KIAA0825: variants seen among roughly 807,000 people sequenced by gnomAD.
The protein encoded by KIAA0825 is KIAA0825.
A neutral mutation model predicts 147.6 loss-of-function variants in KIAA0825; 119 were observed. The ratio of observed to expected loss-of-function variants is 0.81; its 90% confidence interval spans 0.69 to 0.94. The LOEUF is 0.94. Ranked by LOEUF, KIAA0825 falls within the 40% of genes least tolerant of loss-of-function variation. The pLI is 0.00. For synonymous variants in KIAA0825, 470 were observed against 518.1 expected (o/e 0.91, Z 1.26); for missense variants, 1,381 against 1,472.7 (o/e 0.94, Z 1.02).
chr5:94,210,377 G>A (rs1772597190), intron 20 of KIAA0825, among the ~76,000 whole-genome samples: 1 of 152,162 alleles, frequency 6.6e-6, no homozygotes, highest in South Asian at 2.1e-4. Context: ...ACATAATGAT[G>A]CTGCATACCT....
chr5:94,532,698 T>C (rs922500136), intron 3 of KIAA0825, among the ~76,000 whole-genome samples: 1 of 129,448 alleles, frequency 7.7e-6, no homozygotes, highest in South Asian at 2.3e-4. Context: ...CTGGGCTAAT[T>C]TTTTTTTTTT....
intron 2 of KIAA0825, among the ~76,000 whole-genome samples, chr5:94,571,916 T>A (rs977470878): frequency 7.2e-5 from 11 of 152,128 alleles, no homozygotes; most frequent in African/African-American, 2.4e-4. Flanking sequence ...TACCATATGA[T>A]ACATGATAAA....
rs1766502943 is a variant in KIAA0825 at position 94,151,563 on chromosome 5, C to T, written c.*2444G>A. 6.6e-6 allele frequency among the ~76,000 whole-genome samples: 1 copy of T among 150,922 alleles called. No individual in the cohort carries two copies. The highest frequency in any genetic ancestry group is 1.5e-5 in the Non-Finnish European group (1 of 67,906). On this transcript the variant is annotated 3_prime_UTR_variant, in exon 21 of 21. Coordinates refer to ENST00000682413, the MANE Select transcript of KIAA0825 (RefSeq NM_001145678.3). ...CTATAATAATTTCACTGAACAAGCA[C>T]AGAATAGAATTCAACTGCAAGGCCT...
At chr5:94,294,897 T>C (rs776009017) in intron 20 of KIAA0825, among the ~76,000 whole-genome samples, 2 of 152,156 alleles carry the variant, frequency 1.3e-5, no homozygotes, top group East Asian at 3.9e-4. Context: ...CAATTATGTG[T>C]CTTGGGGTTG....
chr5:94,584,815 A>T (rs1285630117), intron 1 of KIAA0825, among the ~76,000 whole-genome samples: 3 of 152,212 alleles, frequency 2.0e-5, no homozygotes, highest in Admixed American at 1.3e-4. Context: ...CCACAAAGGG[A>T]AGCCCATGAG....
intron 20 of KIAA0825, among the ~76,000 whole-genome samples, chr5:94,262,743 T>A (rs926757693): frequency 5.3e-5 from 8 of 152,162 alleles, no homozygotes; most frequent in Non-Finnish European, 1.2e-4. Flanking sequence ...TGTCCCCTTA[T>A]TAATTTAAGG....
chr5:94,610,789 A>AG lies in KIAA0825; in HGVS notation c.-153+7710_-153+7711insC, dbSNP rs1318549620. 7.1e-3 allele frequency among the ~76,000 whole-genome samples: 555 copies of AG among 78,572 alleles called. 14 individuals are homozygous for AG. The highest frequency in any genetic ancestry group is 0.023 in the African/African-American group (364 of 15,570). The allele number at this position is 78,572 out of a possible 152,430, so 51.5% of individuals were successfully genotyped here. A position where few individuals can be genotyped will look rare whatever the true frequency, so the allele number is the denominator to read the frequency against. ...CAAAAAAAAAAAAAAAAAAAAAAGT[A>AG]TATATATATATATATATAAATAAAA... is the stretch of plus-strand genomic sequence containing the variant. On this transcript the variant is annotated intron_variant, in intron 1 of 20. Coordinates refer to ENST00000682413, the MANE Select transcript of KIAA0825 (RefSeq NM_001145678.3).
chr5:94,299,907 T>A (rs1199705458), intron 20 of KIAA0825, among the ~76,000 whole-genome samples: 1 of 145,120 alleles, frequency 6.9e-6, no homozygotes, highest in East Asian at 2.0e-4. Context: ...AATAAAAACA[T>A]CTTTCTTAGA....
chr5:94,307,998 A>G (rs1778857570), intron 20 of KIAA0825, among the ~76,000 whole-genome samples: 1 of 151,888 alleles, frequency 6.6e-6, no homozygotes, highest in East Asian at 1.9e-4. Flanking sequence ...CTGGTAGACC[A>G]AAAGATCTAC....
chr5:94,587,940 G>C (rs1783620952), intron 1 of KIAA0825, among the ~76,000 whole-genome samples: 1 of 152,124 alleles, frequency 6.6e-6, no homozygotes, highest in African/African-American at 2.4e-5. Context: ...ACAAGCAATG[G>C]GGAAAGGATT....
intron 20 of KIAA0825, among the ~76,000 whole-genome samples, chr5:94,289,603 C>T: frequency 6.7e-6 from 1 of 150,246 alleles, no homozygotes; most frequent in Admixed American, 6.6e-5. Flanking sequence ...TAAGAACAAC[C>T]ATTGTTCTAA....
intron 20 of KIAA0825, among the ~76,000 whole-genome samples, chr5:94,335,720 T>TAGCTCTTA (rs1283096488): frequency 2.0e-5 from 3 of 152,122 alleles, no homozygotes; most frequent in Admixed American, 2.0e-4. Flanking sequence ...TTAATAAGAT[T>TAGCTCTTA]AGCTCTTACC....
At chr5:94,484,747 T>A (rs1762854297) in intron 6 of KIAA0825, 22 bp downstream of exon 6, 2 of 1,415,280 alleles carry the variant, frequency 1.4e-6, no homozygotes, top group Non-Finnish European at 1.9e-6. Flanking sequence ...GATTTACAAA[T>A]TTAAACAAAA....
intron 14 of KIAA0825, among the ~76,000 whole-genome samples, chr5:94,433,756 T>A (rs991283676): frequency 2.6e-5 from 4 of 152,346 alleles, no homozygotes; most frequent in African/African-American, 9.6e-5. Context: ...CTGGAACATG[T>A]TAAATAGTAT....
intron 20 of KIAA0825, among the ~76,000 whole-genome samples, chr5:94,228,802 T>C (rs1774433874): frequency 6.6e-6 from 1 of 152,252 alleles, no homozygotes; most frequent in African/African-American, 2.4e-5. Context: ...AGTGTTTCAG[T>C]ACATCAACAA....
chr5:94,470,130 CAA>C lies in KIAA0825; in HGVS notation c.1722-21_1722-20del. 24 of 1,539,496 alleles carry C rather than the reference CAA, an allele frequency of 1.6e-5. No individual in the cohort carries two copies. Among genetic ancestry groups the C allele is most frequent in the Non-Finnish European group, 2.1e-5 (24 of 1,140,272 alleles). ...TATGGGTCTGTTCAGAGAGAATGATCAAAGAGACAGAGATTTAAGGCCTGTGC... is the reference window on the plus strand; with the variant it reads ...TATGGGTCTGTTCAGAGAGAATGATCAGAGACAGAGATTTAAGGCCTGTGC... On this transcript the variant is annotated intron_variant, in intron 9 of 20. Transcript: ENST00000682413.
chr5:94,584,406 T>C (rs1415216258), intron 1 of KIAA0825, among the ~76,000 whole-genome samples: 1 of 152,176 alleles, frequency 6.6e-6, no homozygotes, highest in Admixed American at 6.5e-5. Flanking sequence ...CAAGCTTCAA[T>C]AGCCGATTTG....
intron 4 of KIAA0825, among the ~76,000 whole-genome samples, chr5:94,522,776 C>G (rs576161856): frequency 4.0e-5 from 6 of 151,698 alleles, no homozygotes; most frequent in African/African-American, 1.2e-4. Context: ...GCCTATCAGT[C>G]TAATGAATTT....
intron 20 of KIAA0825, among the ~76,000 whole-genome samples, chr5:94,346,247 A>G (rs1782974937): frequency 6.6e-6 from 1 of 152,158 alleles, no homozygotes; most frequent in Admixed American, 6.5e-5. Context: ...AAATTAAGTC[A>G]TTTGAGGGAA....
Sources: allele counts gnomAD v4.1 joint callset (sites outside exome capture counted in the v4.1 genomes callset), GRCh38; gene constraint gnomAD v4.1.1; transcripts MANE v1.5; gene names NCBI Gene and HGNC (gene_info 2026-07-23, HGNC 2026-07-21).